The following ITCH variants were observed in gnomAD, a reference collection of about 807,000 sequenced individuals.
The protein encoded by ITCH is itchy E3 ubiquitin protein ligase.
In ITCH, 28 loss-of-function variants were observed where a neutral mutation model predicts 126.8. The observed-to-expected ratio is 0.22, with a 90% CI of 0.16 to 0.30. The LOEUF (loss-of-function observed/expected upper bound fraction) is 0.30, where lower values mean the gene tolerates loss of function less well. Ranked by LOEUF, ITCH falls within the 10% of genes least tolerant of loss-of-function variation. ITCH has a pLI of 1.00. For missense variants in ITCH, 631 were observed against 1,032.4 expected (o/e 0.61, Z 5.33); for synonymous variants, 342 against 340.0 (o/e 1.01, Z -0.06).
intron 1 of ITCH, among the ~76,000 whole-genome samples, 166 bp downstream of exon 1, chr20:34,363,515 C>G (rs1423290108): frequency 6.6e-6 from 1 of 152,078 alleles, no homozygotes; most frequent in African/African-American, 2.4e-5. Flanking sequence ...GCGCGGGGAG[C>G]TCGGGCTACT....
Position 34,408,712 on chromosome 20 carries a change from G to C in ITCH, c.132G>C (p.Glu44Asp). The C allele has an allele frequency of 6.2e-7, 1 of 1,613,928 alleles. No individual in the cohort carries two copies. Among genetic ancestry groups the C allele is most frequent in the Non-Finnish European group, 8.5e-7 (1 of 1,179,870 alleles). The change falls in exon 4 of 25, where the codon GAG (glutamate) becomes GAC (aspartate). Residue 44 changes from glutamate (E) to aspartate (D), a missense_variant. Around this residue, in one of 4 missense-constraint regions of ITCH, gnomAD observed 220 missense variants for 265.7 expected, o/e 0.83. Coordinates refer to ENST00000374864, the MANE Select transcript of ITCH (RefSeq NM_031483.7). ...KNWFGPSPYVEVTVDGQSKKT... is the reference protein window; with the variant it reads ...KNWFGPSPYVDVTVDGQSKKT... ...GGTTTGGACCAAGTCCTTACGTAGA[G>C]GTCACAGTAGATGGACAGTCAAAGA...
At chr20:34,382,095 C>T (rs1042740948) in intron 2 of ITCH, among the ~76,000 whole-genome samples, 7 of 152,086 alleles carry the variant, frequency 4.6e-5, no homozygotes, top group South Asian at 2.1e-4. Flanking sequence ...TGAATTTAAT[C>T]GGAGGGGCTA....
intron 12 of ITCH, among the ~76,000 whole-genome samples, chr20:34,450,766 A>G (rs1194029957): frequency 3.9e-5 from 6 of 152,168 alleles, no homozygotes; most frequent in Non-Finnish European, 8.8e-5. Context: ...CCCAAGATAC[A>G]TTGTTCTAGC....
At chr20:34,449,599 G>A in intron 12 of ITCH, 119 bp downstream of exon 12, 1 of 721,548 alleles carries the variant, frequency 1.4e-6, no homozygotes, top group South Asian at 1.7e-5. Flanking sequence ...GTGAATGTCT[G>A]GGAAGTTTTT....
intron 20 of ITCH, among the ~76,000 whole-genome samples, chr20:34,484,154 A>G (rs1235794622): frequency 6.6e-6 from 1 of 152,246 alleles, no homozygotes; most frequent in African/African-American, 2.4e-5. Context: ...AAACTATATC[A>G]TAAGGTTGGG....
chr20:34,506,005 C>T (rs1990597607), intron 24 of ITCH, among the ~76,000 whole-genome samples: 1 of 152,084 alleles, frequency 6.6e-6, no homozygotes, highest in South Asian at 2.1e-4. Context: ...TAAGTGTGTA[C>T]AGTTCAGTGG....
chr20:34,378,216 A>G (rs1441331321), intron 2 of ITCH, among the ~76,000 whole-genome samples: 2 of 152,108 alleles, frequency 1.3e-5, no homozygotes, highest in African/African-American at 2.4e-5. Flanking sequence ...CACGCCTGTA[A>G]TCCCAGCACT....
At chr20:34,467,298 G>T (rs1184779491) in intron 14 of ITCH, among the ~76,000 whole-genome samples, 1 of 152,126 alleles carries the variant, frequency 6.6e-6, no homozygotes, top group African/African-American at 2.4e-5. Context: ...GGAGGCCAAG[G>T]TGGGCAGATC....
At chr20:34,489,152 C>A in intron 20 of ITCH, 114 bp from the exon 21 acceptor site, 1 of 855,692 alleles carries the variant, frequency 1.2e-6, no homozygotes, top group South Asian at 1.7e-5. Context: ...TCATTATGTT[C>A]TATTTTTGAA....
Position 34,449,492 on chromosome 20 carries a change from G to T in ITCH, c.1210+12G>T. The T allele has an allele frequency of 6.4e-7, 1 of 1,555,394 alleles. No individual in the cohort carries two copies. The highest frequency in any genetic ancestry group is 8.9e-7 in the Non-Finnish European group (1 of 1,126,530). ...GCCACCTGGATGGGGTAAGTCACAT[G>T]AGTTTCTTCATGGAGTTCTGTCATT... is the stretch of plus-strand genomic sequence containing the variant. On this transcript the variant is annotated intron_variant, in intron 12 of 24. Transcript: ENST00000374864.
Position 34,472,916 on chromosome 20 carries a change from G to T in ITCH, c.1569+1401G>T, listed in dbSNP as rs112727463. Among the ~76,000 whole-genome samples, 523 of 152,234 alleles carry T rather than the reference G, an allele frequency of 3.4e-3. 2 individuals carry two copies. Among genetic ancestry groups the T allele is most frequent in the African/African-American group, 0.011 (447 of 41,510 alleles). On this transcript the variant is annotated intron_variant, in intron 16 of 24. Coordinates refer to ENST00000374864, the MANE Select transcript of ITCH (RefSeq NM_031483.7). ...TTCATAACCACCCTTTTATCACTCT[G>T]TTGGACGAGTTTCTTGAAGCAACTT...
intron 24 of ITCH, 56 bp downstream of exon 24, chr20:34,504,459 A>G (rs545871660): frequency 9.2e-7 from 1 of 1,092,004 alleles, no homozygotes; most frequent in Non-Finnish European, 1.4e-6. Flanking sequence ...ATCTGTAGCT[A>G]TTTAAAGCCA....
chr20:34,481,038 A>G (rs761366603), intron 19 of ITCH, 28 bp from the exon 20 acceptor site: 1 of 1,611,428 alleles, frequency 6.2e-7, no homozygotes, highest in South Asian at 1.1e-5. Flanking sequence ...GGTGGATATA[A>G]CAAATAGTGC....
At chr20:34,478,151 C>T (rs1048100495) in intron 17 of ITCH, among the ~76,000 whole-genome samples, 1 of 152,144 alleles carries the variant, frequency 6.6e-6, no homozygotes, top group African/African-American at 2.4e-5. Context: ...TCACCTAAGG[C>T]ACATAATAAA....
At chr20:34,420,500 AT>A (rs1249869671) in intron 6 of ITCH, among the ~76,000 whole-genome samples, 1 of 152,190 alleles carries the variant, frequency 6.6e-6, no homozygotes, top group East Asian at 1.9e-4. Flanking sequence ...CATTTGGCTT[AT>A]TTCCATTTGG....
chr20:34,384,196 A>C (rs1357532674), intron 2 of ITCH: 1 of 147,344 alleles, frequency 6.8e-6, no homozygotes, highest in Non-Finnish European at 1.5e-5. Flanking sequence ...GGAGTGGAGA[A>C]GGAACAAAGA....
chr20:34,395,305 G>T (rs895193623), intron 3 of ITCH, among the ~76,000 whole-genome samples: 4 of 152,058 alleles, frequency 2.6e-5, no homozygotes, highest in African/African-American at 9.7e-5. Context: ...CTCAGGGATG[G>T]GAACAAAGGT....
At chr20:34,414,840 C>A (rs527639824) in intron 6 of ITCH, among the ~76,000 whole-genome samples, 28 of 152,298 alleles carry the variant, frequency 1.8e-4, no homozygotes, top group African/African-American at 6.7e-4. Flanking sequence ...ATTTACCATT[C>A]CCCTTCTACT....
chr20:34,414,006 G>A, intron 6 of ITCH, 127 bp downstream of exon 6: 1 of 775,816 alleles, frequency 1.3e-6, no homozygotes, highest in South Asian at 1.8e-5. Flanking sequence ...TGGCCGGTGT[G>A]GTGGCTCACG....
Sources: allele counts gnomAD v4.1 joint callset (sites outside exome capture counted in the v4.1 genomes callset), GRCh38; gene constraint gnomAD v4.1.1; regional missense constraint gnomAD v4.1.1; transcripts MANE v1.5; gene names NCBI Gene and HGNC (gene_info 2026-07-23, HGNC 2026-07-21).